Variants in CACNA2D1 observed in about 807,000 individuals in gnomAD.
CACNA2D1 encodes calcium voltage-gated channel auxiliary subunit alpha2delta 1.
In CACNA2D1, 53 loss-of-function variants were observed where a neutral mutation model predicts 171.5. That is an observed-to-expected ratio of 0.31 (90% CI 0.25 to 0.39). The LOEUF is 0.39. Ranked by LOEUF, CACNA2D1 falls within the 10% of genes least tolerant of loss-of-function variation. The pLI, the probability that CACNA2D1 is intolerant of heterozygous loss-of-function variation, is 1.00. For synonymous variants in CACNA2D1, 442 were observed against 443.1 expected (o/e 1.00, Z 0.03); for missense variants, 903 against 1,299.8 (o/e 0.69, Z 4.69).
chr7:82,196,838 A>C (rs957178638), intron 3 of CACNA2D1, among the ~76,000 whole-genome samples: 13 of 151,812 alleles, frequency 8.6e-5, no homozygotes, highest in Admixed American at 7.9e-4. Context: ...TATATATGTG[A>C]ATAGAGGATG....
chr7:82,230,185 C>T (rs1210693223), intron 3 of CACNA2D1, among the ~76,000 whole-genome samples: 1 of 152,184 alleles, frequency 6.6e-6, no homozygotes, highest in Non-Finnish European at 1.5e-5. Context: ...GGCACCACAG[C>T]CTCCCCAAAA....
intron 6 of CACNA2D1, among the ~76,000 whole-genome samples, chr7:82,086,190 T>A (rs1426175140): frequency 1.3e-5 from 2 of 152,162 alleles, no homozygotes; most frequent in Non-Finnish European, 2.9e-5. Context: ...CATGGTTAAA[T>A]CATGCACAAG....
chr7:82,390,231 T>C (rs559260927), intron 1 of CACNA2D1, among the ~76,000 whole-genome samples: 2 of 152,282 alleles, frequency 1.3e-5, no homozygotes, highest in African/African-American at 2.4e-5. Flanking sequence ...TAACAGAAAG[T>C]GGAGTCAATA....
At chr7:82,318,112 G>A (rs1369374427) in intron 3 of CACNA2D1, among the ~76,000 whole-genome samples, 1 of 152,048 alleles carries the variant, frequency 6.6e-6, no homozygotes, top group African/African-American at 2.4e-5. Flanking sequence ...AACTTCAAAT[G>A]ATATACTTCA....
chr7:82,391,515 G>A (rs1825117199), intron 1 of CACNA2D1, among the ~76,000 whole-genome samples: 1 of 152,076 alleles, frequency 6.6e-6, no homozygotes, highest in South Asian at 2.1e-4. Context: ...CTGATGTTGT[G>A]GCACACTTAG....
At chr7:82,004,021 A>G (rs566873939) in intron 18 of CACNA2D1, among the ~76,000 whole-genome samples, 1 of 152,342 alleles carries the variant, frequency 6.6e-6, no homozygotes, top group African/African-American at 2.4e-5. Context: ...CTGGGATTAC[A>G]GGCATGAGCC....
At chr7:82,321,414 T>A (rs949542305) in intron 3 of CACNA2D1, among the ~76,000 whole-genome samples, 3 of 151,482 alleles carry the variant, frequency 2.0e-5, no homozygotes, top group Non-Finnish European at 4.4e-5. Context: ...AGAAATAAAA[T>A]AATAAAATAA....
At chr7:82,281,559 CA>C (rs973364038) in intron 3 of CACNA2D1, among the ~76,000 whole-genome samples, 1 of 152,110 alleles carries the variant, frequency 6.6e-6, no homozygotes, top group African/African-American at 2.4e-5. Context: ...AACATTATGC[CA>C]AAAAAATTCT....
intron 5 of CACNA2D1, among the ~76,000 whole-genome samples, chr7:82,122,409 A>G (rs1789845408): frequency 6.6e-6 from 1 of 152,196 alleles, no homozygotes; most frequent in Admixed American, 6.5e-5. Context: ...AAACTGATGT[A>G]ATTTTAGTTT....
intron 3 of CACNA2D1, among the ~76,000 whole-genome samples, chr7:82,215,762 C>T (rs1585121414): frequency 6.6e-6 from 1 of 151,966 alleles, no homozygotes; most frequent in Admixed American, 6.6e-5. Flanking sequence ...TTCTTTTATG[C>T]CAAAATCTCC....
chr7:82,172,167 A>C (rs1438698141), intron 3 of CACNA2D1, among the ~76,000 whole-genome samples: 1 of 152,030 alleles, frequency 6.6e-6, no homozygotes, highest in Non-Finnish European at 1.5e-5. Flanking sequence ...AGTATATAAG[A>C]AGCTAGGAAA....
chr7:82,419,361 A>G (rs1467844184), intron 1 of CACNA2D1, among the ~76,000 whole-genome samples: 2 of 152,202 alleles, frequency 1.3e-5, no homozygotes, highest in African/African-American at 4.8e-5. Context: ...CACCCTGGCA[A>G]CTGTCCAGCC....
rs553282393 is a variant in CACNA2D1, at chr7:82,161,058, T to A, written c.354+9492A>T. Among the ~76,000 whole-genome samples, 4 of 152,076 alleles carry A rather than the reference T, an allele frequency of 2.6e-5. No homozygotes were observed. In the East Asian group the frequency reaches 7.8e-4, roughly 29 times the overall value. ...AACAGGGCACCTTGTGTATTTTTTA[T>A]GCTAGGTTTGATGGGCAAGTAGATA... On this transcript the variant is annotated intron_variant, in intron 4 of 38. Transcript: ENST00000356860.
chr7:82,015,272 T>A (rs1402308422), intron 12 of CACNA2D1, among the ~76,000 whole-genome samples: 1 of 152,186 alleles, frequency 6.6e-6, no homozygotes, highest in Admixed American at 6.5e-5. Flanking sequence ...GTGATGGTTT[T>A]CACCATGGAA....
intron 1 of CACNA2D1, among the ~76,000 whole-genome samples, chr7:82,395,162 A>G (rs1347450537): frequency 6.6e-6 from 1 of 151,010 alleles, no homozygotes; most frequent in Non-Finnish European, 1.5e-5. Flanking sequence ...TTATATGTTG[A>G]GTACTATTCT....
intron 3 of CACNA2D1, among the ~76,000 whole-genome samples, chr7:82,258,824 T>TTTTTC (rs1806673905): frequency 8.6e-6 from 1 of 116,306 alleles, no homozygotes; most frequent in Non-Finnish European, 1.7e-5. Context: ...TTTCTTTTTT[T>TTTTTC]TTTTTTTTTT....
rs548662588 is a variant in CACNA2D1, at chr7:82,275,435, C to T, written c.294+59700G>A. On this transcript the variant is annotated intron_variant, in intron 3 of 38. Coordinates refer to ENST00000356860, the MANE Select transcript of CACNA2D1 (RefSeq NM_000722.4). Reference sequence around the variant, plus strand: ...CTTCTCTGATCTTCTTGAATAGATACCACAGCTGTTCACCCAAGGTGAATG... The same window carrying T: ...CTTCTCTGATCTTCTTGAATAGATATCACAGCTGTTCACCCAAGGTGAATG... 2.0e-5 allele frequency among the ~76,000 whole-genome samples: 3 copies of T among 152,198 alleles called. No homozygotes were observed. The East Asian group carries it at 5.8e-4, about 29-fold the overall frequency.
intron 12 of CACNA2D1, among the ~76,000 whole-genome samples, chr7:82,021,368 G>A (rs1801189652): frequency 2.0e-5 from 3 of 152,048 alleles, no homozygotes; most frequent in Admixed American, 2.0e-4. Context: ...ATAAACGGAA[G>A]TGTTCCCTAC....
chr7:82,005,733 A>T, intron 17 of CACNA2D1, 32 bp downstream of exon 17: 5 of 1,387,138 alleles, frequency 3.6e-6, no homozygotes, highest in Non-Finnish European at 5.1e-6. Context: ...TCTAAACTAG[A>T]AAGGGTATCA....
Sources: allele counts gnomAD v4.1 joint callset (sites outside exome capture counted in the v4.1 genomes callset), GRCh38; gene constraint gnomAD v4.1.1; transcripts MANE v1.5; gene names NCBI Gene and HGNC (gene_info 2026-07-23, HGNC 2026-07-21).